The following HIP1 variants were observed in gnomAD, a reference collection of about 807,000 sequenced individuals.
HIP1 encodes huntingtin interacting protein 1, also known as huntingtin-interacting protein 1.
Under a neutral mutation model 147.6 loss-of-function variants are expected in HIP1, and 65 were observed. The ratio of observed to expected loss-of-function variants is 0.44; its 90% CI spans 0.36 to 0.54. The LOEUF is 0.54. Among genes scored for constraint, HIP1 ranks in the 20% least tolerant of loss-of-function variants. The pLI, the probability that HIP1 is intolerant of heterozygous loss-of-function variation, is 0.00. For missense variants in HIP1, 1,061 were observed against 1,299.6 expected (o/e 0.82, Z 2.82); for synonymous variants, 479 against 504.0 (o/e 0.95, Z 0.67).
intron 1 of HIP1, among the ~76,000 whole-genome samples, chr7:75,612,094 G>T (rs893087770): frequency 1.3e-4 from 20 of 152,226 alleles, no homozygotes; most frequent in East Asian, 3.9e-4. Flanking sequence ...GCTCACAAAG[G>T]TCCCACGGCA....
At chr7:75,578,079 C>T (rs999247978) in intron 7 of HIP1, among the ~76,000 whole-genome samples, 13 of 152,226 alleles carry the variant, frequency 8.5e-5, no homozygotes, top group African/African-American at 2.9e-4. Context: ...AGCTCACCAC[C>T]TCTACCCCTT....
chr7:75,682,263 A>T (rs7801207), intron 1 of HIP1, among the ~76,000 whole-genome samples: 84,884 of 147,830 alleles, frequency 0.57, 24,260 homozygotes, highest in African/African-American at 0.66. Flanking sequence ...GCCTATCATC[A>T]TTTTTTTTTA....
At position 75,559,730 on chromosome 7, in the gene HIP1, A is replaced by T; in HGVS notation, c.1375+2T>A. On this transcript the variant is annotated splice_donor_variant, in intron 14 of 30. Coordinates refer to ENST00000336926, the MANE Select transcript of HIP1 (RefSeq NM_005338.7). LOFTEE classifies it high-confidence loss of function. ...CCGCCCCCGCCCCCACCCACCGCTC[A>T]CTTTCTATCTCAGACAGGCTCCGCT... 1 of 227,406 alleles carries T rather than the reference A, an allele frequency of 4.4e-6. No homozygotes were observed. The highest frequency in any genetic ancestry group is 6.8e-6 in the Non-Finnish European group (1 of 146,730). The allele number at this position is 227,406 out of a possible 1,614,324, so 14.1% of individuals were successfully genotyped here. A position where few individuals can be genotyped will look rare whatever the true frequency, so the allele number is the denominator to read the frequency against.
chr7:75,585,185 C>CT (rs71098036), intron 5 of HIP1, among the ~76,000 whole-genome samples: 4,155 of 133,408 alleles, frequency 0.031, 85 homozygotes, highest in Non-Finnish European at 0.046. Context: ...CCCAAAACGT[C>CT]TTTTTTTTTT....
intron 1 of HIP1, among the ~76,000 whole-genome samples, chr7:75,676,777 A>T (rs1799906292): frequency 3.4e-5 from 1 of 29,556 alleles, no homozygotes; most frequent in African/African-American, 2.1e-4. Flanking sequence ...ACTCCATCTC[A>T]AAGAAAAAAA....
intron 1 of HIP1, among the ~76,000 whole-genome samples, chr7:75,617,205 G>A (rs587639885): frequency 9.2e-5 from 14 of 151,522 alleles, no homozygotes; most frequent in Admixed American, 5.3e-4. Context: ...CTGCCAAGTC[G>A]CTGCGATTAC....
rs1554493826 is a variant in HIP1 at position 75,558,189 on chromosome 7, T to A, written c.1442A>T (p.Asn481Ile). ...LKEKYSELVQ[N>I]HADLLRKNAE... ...TACCTTCCGCAGCAGGTCAGCGTGG[T>A]TCTGAACCAGCTCGCTGTACTTCTC... Residue 481 changes from asparagine to isoleucine, a missense_variant, in exon 15 of 31, where the codon AAC (asparagine) becomes ATC (isoleucine). This residue lies in a region of HIP1 where 810 missense variants were observed against 946.8 expected (regional missense o/e 0.86). Transcript: ENST00000336926. The A allele has an allele frequency of 6.2e-7, 1 of 1,614,134 alleles. No individual in the cohort carries two copies. The highest frequency in any genetic ancestry group is 2.2e-5 in the East Asian group (1 of 44,888).
At chr7:75,581,787 A>G (rs1382594730) in intron 6 of HIP1, among the ~76,000 whole-genome samples, 1 of 152,126 alleles carries the variant, frequency 6.6e-6, no homozygotes, top group African/African-American at 2.4e-5. Context: ...TCAAAAAACA[A>G]AAACAAAAAC....
intron 1 of HIP1, among the ~76,000 whole-genome samples, chr7:75,630,759 A>T (rs1124922): frequency 6.6e-6 from 1 of 152,052 alleles, no homozygotes; most frequent in Non-Finnish European, 1.5e-5. Context: ...CACCACATGT[A>T]TTGCAACTAC....
In HIP1 at chr7:75,537,980, C is replaced by A; in HGVS notation, c.*192G>T. On this transcript the variant is annotated 3_prime_UTR_variant, in exon 31 of 31. Transcript: ENST00000336926. ...GGAGGCGGGAAAAGAACAGAGATGA[C>A]CATGGGTCCAAACAGAAAGGGTGTC... 1.6e-6 allele frequency: 1 copy of A among 627,594 alleles called. No individual in the cohort carries two copies. The highest frequency in any genetic ancestry group is 1.9e-5 in the South Asian group (1 of 53,984). The allele number at this position is 627,594 out of a possible 1,614,324, so 38.9% of individuals were successfully genotyped here. A position where few individuals can be genotyped will look rare whatever the true frequency, so the allele number is the denominator to read the frequency against.
chr7:75,607,054 A>AC (rs1474760795), intron 1 of HIP1, among the ~76,000 whole-genome samples: 1 of 151,382 alleles, frequency 6.6e-6, no homozygotes, highest in Non-Finnish European at 1.5e-5. Context: ...ATAGAGCGAG[A>AC]CCCCATCTCT....
At chr7:75,549,844 T>G (rs1432170380) in intron 22 of HIP1, among the ~76,000 whole-genome samples, 1 of 151,420 alleles carries the variant, frequency 6.6e-6, no homozygotes, top group African/African-American at 2.4e-5. Context: ...TAATTGTTTT[T>G]TTTTTTTTTT....
intron 13 of HIP1, 30 bp from the exon 14 acceptor site, chr7:75,559,945 C>T: frequency 1.9e-6 from 3 of 1,554,946 alleles, no homozygotes; most frequent in Non-Finnish European, 2.6e-6. Context: ...ATGAGGCCAA[C>T]CGCCCACTGC....
intron 1 of HIP1, among the ~76,000 whole-genome samples, chr7:75,706,887 G>T (rs1801024280): frequency 1.9e-5 from 1 of 52,042 alleles, no homozygotes. Context: ...GCGGTGTTTG[G>T]TTTTTTGTTC....
chr7:75,708,421 T>G (rs2117344743), intron 1 of HIP1, among the ~76,000 whole-genome samples: 1 of 152,284 alleles, frequency 6.6e-6, no homozygotes, highest in Non-Finnish European at 1.5e-5. Context: ...CAGAAATCAA[T>G]GCCAAATCAA....
intron 1 of HIP1, among the ~76,000 whole-genome samples, chr7:75,723,406 T>C (rs1286643280): frequency 1.3e-5 from 2 of 152,130 alleles, no homozygotes; most frequent in South Asian, 2.1e-4. Context: ...CAGCCATTTA[T>C]TATCTTACAG....
intron 1 of HIP1, among the ~76,000 whole-genome samples, chr7:75,709,949 G>A (rs1436709625): frequency 1.3e-5 from 2 of 152,118 alleles, no homozygotes; most frequent in Non-Finnish European, 2.9e-5. Context: ...ATGGCTCACT[G>A]CACCCTCAAC....
intron 1 of HIP1, among the ~76,000 whole-genome samples, chr7:75,718,897 T>C (rs1476740364): frequency 2.6e-5 from 4 of 151,954 alleles, no homozygotes. Flanking sequence ...ACTCAGGGAG[T>C]TCCCACCATA....
At chr7:75,677,632 C>G (rs1301183475) in intron 1 of HIP1, among the ~76,000 whole-genome samples, 1 of 150,262 alleles carries the variant, frequency 6.7e-6, no homozygotes, top group African/African-American at 2.4e-5. Context: ...AAAAGACAAG[C>G]CTTTCAAGTA....
Sources: allele counts gnomAD v4.1 joint callset (sites outside exome capture counted in the v4.1 genomes callset), GRCh38; gene constraint gnomAD v4.1.1; regional missense constraint gnomAD v4.1.1; transcripts MANE v1.5; gene names NCBI Gene and HGNC (gene_info 2026-07-23, HGNC 2026-07-21).